The following ZUP1 variants were observed in gnomAD, a reference collection of about 807,000 sequenced individuals.
The protein encoded by ZUP1 is zinc finger containing ubiquitin peptidase 1, also known as zinc finger-containing ubiquitin peptidase 1.
A neutral mutation model predicts 68.1 loss-of-function variants in ZUP1; 55 were observed. The observed-to-expected ratio is 0.81, with a 90% CI of 0.65 to 1.01. The LOEUF (loss-of-function observed/expected upper bound fraction) is 1.01, where lower values mean the gene tolerates loss of function less well. Ranked by LOEUF, ZUP1 falls within the 50% of genes least tolerant of loss-of-function variation. ZUP1 has a pLI of 0.00. For missense variants in ZUP1, 684 were observed against 674.9 expected (o/e 1.01, Z -0.15); for synonymous variants, 223 against 221.5 (o/e 1.01, Z -0.06).
rs140567754 is a variant in ZUP1, at chr6:116,646,516, A to G, written c.1469-582T>C. Reference sequence around the variant, plus strand: ...TTCTTGGAACTTATATTCTAATAGGAAGAGATACTCTATAAATGAGGTAAA... The same window carrying G: ...TTCTTGGAACTTATATTCTAATAGGGAGAGATACTCTATAAATGAGGTAAA... On this transcript the variant is annotated intron_variant, in intron 8 of 9. Coordinates refer to ENST00000368576, the MANE Select transcript of ZUP1 (RefSeq NM_145062.3). 1.3e-5 allele frequency among the ~76,000 whole-genome samples: 2 copies of G among 152,328 alleles called. 1 individual carries two copies. Among genetic ancestry groups the G allele is most frequent in the East Asian group, 3.9e-4 (2 of 5,188 alleles).
rs550067364 is a variant in ZUP1, at chr6:116,645,125, A to AAAATT, written c.1689+584_1689+588dup. Among the ~76,000 whole-genome samples the AAAATT allele has an allele frequency of 3.4e-4, 49 of 145,636 alleles. 2 individuals are homozygous for AAAATT. Among genetic ancestry groups the AAAATT allele is most frequent in the African/African-American group, 1.1e-3 (46 of 40,758 alleles). ...AAACTGCACATATTTAAAATGCAAA[A>AAAATT]AAATTAAATTAAATTAAATTAAATT... On this transcript the variant is annotated intron_variant, in intron 9 of 9. Coordinates refer to ENST00000368576, the MANE Select transcript of ZUP1 (RefSeq NM_145062.3).
chr6:116,660,639 T>A (rs1776805416), intron 3 of ZUP1, 97 bp downstream of exon 3: 2 of 627,566 alleles, frequency 3.2e-6, no homozygotes, highest in African/African-American at 2.1e-5. Flanking sequence ...AGATGTATTT[T>A]AAAATATTTT....
intron 9 of ZUP1, among the ~76,000 whole-genome samples, chr6:116,638,299 G>A (rs2115375630): frequency 6.6e-6 from 1 of 152,062 alleles, no homozygotes; most frequent in East Asian, 1.9e-4. Context: ...TTCTACACTT[G>A]ATGTGCTATC....
chr6:116,641,159 C>T (rs1343306127), intron 9 of ZUP1, among the ~76,000 whole-genome samples: 4 of 148,352 alleles, frequency 2.7e-5, no homozygotes, highest in Non-Finnish European at 6.0e-5. Flanking sequence ...TATATATGCA[C>T]CCAATACAGG....
At chr6:116,658,745 A>G in intron 4 of ZUP1, 58 bp downstream of exon 4, 1 of 1,461,034 alleles carries the variant, frequency 6.8e-7, no homozygotes, top group Non-Finnish European at 9.2e-7. Flanking sequence ...ACTGGAAAGC[A>G]TATTTGAAAA....
At chr6:116,665,148 T>C (rs1458570348) in intron 2 of ZUP1, among the ~76,000 whole-genome samples, 1 of 152,014 alleles carries the variant, frequency 6.6e-6, no homozygotes, top group Non-Finnish European at 1.5e-5. Flanking sequence ...TATTTGACAA[T>C]ATACAGTTGA....
In ZUP1 at chr6:116,666,792, T is replaced by C; in HGVS notation, c.401A>G (p.Glu134Gly). Residue 134 changes from glutamate (E) to glycine (G), a missense_variant, in exon 2 of 10, where the codon GAA becomes GGA. Physicochemically the swap from Glu to Gly is moderately conservative, Grantham distance 98. Transcript: ENST00000368576. Reference sequence around the variant, plus strand: ...TATTTCGGTCAGGCTGGACTGTTTTTCCCTACTTTTCAGGAATTTTCTAGA... The same window carrying C: ...TATTTCGGTCAGGCTGGACTGTTTTCCCCTACTTTTCAGGAATTTTCTAGA... ...TESRKFLKSREKQSSLTEIKG... is the reference protein window; with the variant it reads ...TESRKFLKSRGKQSSLTEIKG... 1 of 1,613,734 alleles carries C rather than the reference T, an allele frequency of 6.2e-7. No individual in the cohort carries two copies. The highest frequency in any genetic ancestry group is 8.5e-7 in the Non-Finnish European group (1 of 1,179,874).
chr6:116,665,687 C>T (rs778618037), intron 2 of ZUP1, among the ~76,000 whole-genome samples: 286 of 150,112 alleles, frequency 1.9e-3, no homozygotes, highest in Non-Finnish European at 3.6e-3. Flanking sequence ...TCAGGTGATC[C>T]TCCTATTTCA....
intron 9 of ZUP1, among the ~76,000 whole-genome samples, chr6:116,641,212 AG>A (rs1776086598): frequency 6.6e-6 from 1 of 150,540 alleles, no homozygotes; most frequent in Non-Finnish European, 1.5e-5. Context: ...ACCTACAAAG[AG>A]ACTTAGACTC....
chr6:116,646,520 G>A (rs931106707), intron 8 of ZUP1, among the ~76,000 whole-genome samples: 4 of 152,210 alleles, frequency 2.6e-5, no homozygotes, highest in African/African-American at 9.6e-5. Flanking sequence ...AATAGGAAGA[G>A]ATACTCTATA....
rs2114274801 is a variant in ZUP1, at chr6:116,658,880, G to C, written c.715C>G (p.Gln239Glu). ...QCSGDLQLAH[Q>E]LQQEEDRKRR... Reference sequence around the variant, plus strand: ...TTTCTGTCTTCTTCTTGCTGAAGCTGGTGAGCCAATTGTAGATCACCAGAA... The same window carrying C: ...TTTCTGTCTTCTTCTTGCTGAAGCTCGTGAGCCAATTGTAGATCACCAGAA... Residue 239 changes from glutamine to glutamate, a missense_variant, in exon 4 of 10, where the codon CAG (glutamine) becomes GAG (glutamate). Transcript: ENST00000368576. 1.2e-6 allele frequency: 2 copies of C among 1,611,966 alleles called. No individual in the cohort carries two copies. The highest frequency in any genetic ancestry group is 2.7e-5 in the African/African-American group (2 of 74,950).
intron 9 of ZUP1, 39 bp downstream of exon 9, chr6:116,645,675 T>A (rs2115388880): frequency 7.0e-7 from 1 of 1,431,878 alleles, no homozygotes; most frequent in Middle Eastern, 1.8e-4. Context: ...TTTAAGTTCA[T>A]CTCATTCAAA....
rs983181053 is a variant in ZUP1, at chr6:116,665,573, T to C, written c.559+1061A>G. ...CCAAAATACAGAAAAATTTTTCTTTTTTTTTTTTTTTTTTTTGGAGACAGG... is the reference window on the plus strand; with the variant it reads ...CCAAAATACAGAAAAATTTTTCTTTCTTTTTTTTTTTTTTTTGGAGACAGG... On this transcript the variant is annotated intron_variant, in intron 2 of 9. Transcript: ENST00000368576. Among the ~76,000 whole-genome samples the C allele has an allele frequency of 1.3e-4, 19 of 147,438 alleles. 1 individual carries two copies. The highest frequency in any genetic ancestry group is 1.3e-3 in the South Asian group (6 of 4,684).
chr6:116,662,994 A>G (rs1022478938), intron 2 of ZUP1, among the ~76,000 whole-genome samples: 2 of 152,168 alleles, frequency 1.3e-5, no homozygotes, highest in African/African-American at 4.8e-5. Context: ...ATTCTTAGCA[A>G]CTTCAATATC....
intron 5 of ZUP1, 126 bp downstream of exon 5, chr6:116,656,558 C>A: frequency 1.4e-6 from 1 of 716,874 alleles, no homozygotes; most frequent in Non-Finnish European, 2.2e-6. Flanking sequence ...AGTTTTAAAA[C>A]AATACATTTT....
intron 5 of ZUP1, among the ~76,000 whole-genome samples, chr6:116,656,365 T>G (rs756309879): frequency 6.6e-6 from 1 of 151,478 alleles, no homozygotes; most frequent in Non-Finnish European, 1.5e-5. Flanking sequence ...ATTACAGGCA[T>G]GAGCCACCGC....
At chr6:116,641,015 G>GA (rs1776080039) in intron 9 of ZUP1, among the ~76,000 whole-genome samples, 1 of 148,238 alleles carries the variant, frequency 6.7e-6, no homozygotes, top group Non-Finnish European at 1.5e-5. Context: ...AAATGGAAAA[G>GA]AAAAAAAGGC....
chr6:116,656,236 C>T (rs1320749300), intron 5 of ZUP1, among the ~76,000 whole-genome samples: 2 of 152,118 alleles, frequency 1.3e-5, no homozygotes, highest in Non-Finnish European at 2.9e-5. Context: ...TGTGCCACCA[C>T]GCCCAGCTAA....
At chr6:116,658,948 G>C in intron 3 of ZUP1, 24 bp from the exon 4 acceptor site, 1 of 1,569,422 alleles carries the variant, frequency 6.4e-7, no homozygotes, top group South Asian at 1.2e-5. Flanking sequence ...TTAATGTTCA[G>C]AATAAAATAA....
Sources: allele counts gnomAD v4.1 joint callset (sites outside exome capture counted in the v4.1 genomes callset), GRCh38; gene constraint gnomAD v4.1.1; transcripts MANE v1.5; gene names NCBI Gene and HGNC (gene_info 2026-07-23, HGNC 2026-07-21).